Variants in MAST2 observed in about 807,000 individuals in gnomAD.
The protein encoded by MAST2 is microtubule associated serine/threonine kinase 2.
In MAST2, 70 loss-of-function variants were observed where a neutral mutation model predicts 147.4. The observed-to-expected ratio is 0.47, with a 90% CI of 0.39 to 0.58. The LOEUF (loss-of-function observed/expected upper bound fraction) is 0.58, where lower values mean the gene tolerates loss of function less well. MAST2 is among the 20% of genes least tolerant of loss of function. The probability of loss-of-function intolerance (pLI) is 0.00; values close to 1 mark genes in which losing one functional copy is unlikely to be tolerated. For synonymous variants in MAST2, 869 were observed against 896.8 expected, an observed-to-expected ratio of 0.97 and a Z score of 0.55; for missense variants, 2,080 against 2,302.3, an observed-to-expected ratio of 0.90 and a Z score of 1.98.
chr1:45,999,831 T>C (rs1289184017), intron 6 of MAST2, among the ~76,000 whole-genome samples: 1 of 152,242 alleles, frequency 6.6e-6, no homozygotes, highest in African/African-American at 2.4e-5. Context: ...TTCCTGATAT[T>C]ATCTTATTTG....
At position 46,034,343 on chromosome 1, in the gene MAST2, G is replaced by C. The variant is rs184893208; in HGVS notation, c.3868+77G>C. ...TCCTAGGCCCTGTGTGCTTCTGACA[G>C]ATCCCACTCTGAGTCTCTCATTTAG... On this transcript the variant is annotated intron_variant, in intron 28 of 28. Transcript: ENST00000361297. 11 of 1,470,656 alleles carry C rather than the reference G, an allele frequency of 7.5e-6. No individual in the cohort carries two copies. In the African/African-American group the frequency reaches 9.9e-5, roughly 13 times the overall value. The allele number at this position is 1,470,656 out of a possible 1,614,324, so 91.1% of individuals were successfully genotyped here.
intron 5 of MAST2, among the ~76,000 whole-genome samples, chr1:45,996,135 A>T (rs552050926): frequency 1.3e-5 from 2 of 150,888 alleles, no homozygotes; most frequent in African/African-American, 4.9e-5. Context: ...CGTGTGTGTT[A>T]TGTAACCCTA....
At chr1:45,915,572 TG>T (rs1652366899) in intron 4 of MAST2, among the ~76,000 whole-genome samples, 1 of 151,916 alleles carries the variant, frequency 6.6e-6, no homozygotes, top group Non-Finnish European at 1.5e-5. Flanking sequence ...TAGCCGGACG[TG>T]GTGGCGGGCG....
At chr1:45,842,742 T>C (rs1488011325) in intron 3 of MAST2, among the ~76,000 whole-genome samples, 1 of 152,224 alleles carries the variant, frequency 6.6e-6, no homozygotes, top group Non-Finnish European at 1.5e-5. Context: ...TGAATAGTGC[T>C]GCTATGAACT....
chr1:45,824,134 A>C (rs1644720375), intron 1 of MAST2, among the ~76,000 whole-genome samples: 1 of 152,184 alleles, frequency 6.6e-6, no homozygotes, highest in Non-Finnish European at 1.5e-5. Flanking sequence ...GATAAACATA[A>C]ATAAACTTAA....
rs369480412 is a variant in MAST2, at chr1:46,034,837, C to T, written c.4168C>T (p.Arg1390Trp). 1.1e-5 allele frequency: 18 copies of T among 1,614,070 alleles called. No individual in the cohort carries two copies. Among genetic ancestry groups the T allele is most frequent in the African/African-American group, 5.3e-5 (4 of 74,934 alleles). The change falls in exon 29 of 29, where the codon CGG becomes TGG. Residue 1390 changes from arginine to tryptophan, a missense_variant. By Grantham distance (101) the Arg-to-Trp change is moderately radical. This residue lies in a region of MAST2 where 1,278 missense variants were observed against 1,304.2 expected (regional missense o/e 0.98). Transcript: ENST00000361297. ...ACCTCCCCTGGGCAGGCAACTCTCA[C>T]GGCCCAAGAGTGCGGAGCCACCCCG... The part of the protein sequence containing the change: ...LSPPLGRQLS[R>W]PKSAEPPRSP...
Position 46,022,980 on chromosome 1 carries a change from CCTGAG to C in MAST2, c.1485+12_1485+16del, listed in dbSNP as rs1478867277. The C allele has an allele frequency of 6.2e-7, 1 of 1,613,410 alleles. No individual in the cohort carries two copies. On this transcript the variant is annotated intron_variant, in intron 13 of 28. Coordinates refer to ENST00000361297, the MANE Select transcript of MAST2 (RefSeq NM_015112.3). ...CAGATGATTCTATTGAGGTAAAAAC[CCTGAG>C]CTCCTACCCCATTCCTGGAGCCTGG...
intron 25 of MAST2, 30 bp from the exon 26 acceptor site, chr1:46,032,566 A>AG: frequency 6.2e-7 from 1 of 1,611,008 alleles, no homozygotes; most frequent in Non-Finnish European, 8.5e-7. Flanking sequence ...TTCAGGCTCC[A>AG]GTCTGAGTAC....
intron 5 of MAST2, among the ~76,000 whole-genome samples, chr1:45,987,451 C>A (rs1043202689): frequency 1.3e-5 from 2 of 152,018 alleles, no homozygotes; most frequent in Admixed American, 1.3e-4. Context: ...GTAGCCAGGA[C>A]CACAGGCACA....
At chr1:45,847,629 A>G (rs571823045) in intron 3 of MAST2, 8 of 600,860 alleles carry the variant, frequency 1.3e-5, no homozygotes, top group South Asian at 1.1e-4. Flanking sequence ...TCGCGGCCAC[A>G]GAGGAGCTCT....
At chr1:46,012,048 A>G (rs1645735559) in intron 10 of MAST2, among the ~76,000 whole-genome samples, 1 of 152,230 alleles carries the variant, frequency 6.6e-6, no homozygotes, top group Non-Finnish European at 1.5e-5. Context: ...TGTGATTTCA[A>G]AAGAAATACT....
At position 45,828,378 on chromosome 1, in the gene MAST2, A is replaced by G. The variant is rs1297068763; in HGVS notation, c.326-1061A>G. On this transcript the variant is annotated intron_variant, in intron 2 of 28. Transcript: ENST00000361297. ...AAGCCAGGGGAAAGTGCAGGGCATAATATTGAAGTTGAGTGAGTGAATAAG... is the reference window on the plus strand; with the variant it reads ...AAGCCAGGGGAAAGTGCAGGGCATAGTATTGAAGTTGAGTGAGTGAATAAG... Among the ~76,000 whole-genome samples the G allele has an allele frequency of 3.3e-5, 5 of 152,352 alleles. No individual in the cohort carries two copies. The East Asian group carries it at 7.7e-4, about 23-fold the overall frequency.
chr1:45,839,986 A>T (rs533458358), intron 3 of MAST2, among the ~76,000 whole-genome samples: 2 of 152,352 alleles, frequency 1.3e-5, no homozygotes, highest in Admixed American at 6.5e-5. Flanking sequence ...TGGGTAATTG[A>T]ACAAATGTAA....
intron 3 of MAST2, 108 bp downstream of exon 3, chr1:45,829,689 C>T (rs1644893444): frequency 8.4e-7 from 1 of 1,194,632 alleles, no homozygotes; most frequent in Non-Finnish European, 1.2e-6. Context: ...AATTCAGTTT[C>T]CCAAAATGAA....
intron 4 of MAST2, among the ~76,000 whole-genome samples, chr1:45,902,410 T>A (rs1164639731): frequency 6.6e-6 from 1 of 152,180 alleles, no homozygotes; most frequent in Non-Finnish European, 1.5e-5. Flanking sequence ...GATTTTTACA[T>A]TCATGTTCAT....
intron 24 of MAST2, 47 bp from the exon 25 acceptor site, chr1:46,032,131 A>G (rs1557516594): frequency 1.4e-6 from 2 of 1,465,812 alleles, no homozygotes; most frequent in South Asian, 2.3e-5. Context: ...ACCAGGGGCC[A>G]GGCCAAAGCC....
rs546489185 is a variant in MAST2 at position 45,858,520 on chromosome 1, G to A, written c.469-23844G>A. Among the ~76,000 whole-genome samples the A allele has an allele frequency of 6.0e-5, 9 of 150,078 alleles. No homozygotes were observed. In the South Asian group the frequency reaches 1.3e-3, roughly 22 times the overall value. On this transcript the variant is annotated intron_variant, in intron 3 of 28. Transcript: ENST00000361297. Reference sequence around the variant, plus strand: ...TGTAGATTCTGGATATTAGCCCTTCGTCAGATGAGTAGATTGCAAAAATTT... The same window carrying A: ...TGTAGATTCTGGATATTAGCCCTTCATCAGATGAGTAGATTGCAAAAATTT...
chr1:45,962,465 A>G (rs1212103224), intron 5 of MAST2, among the ~76,000 whole-genome samples: 1 of 152,182 alleles, frequency 6.6e-6, no homozygotes, highest in African/African-American at 2.4e-5. Context: ...TCGCCATTCT[A>G]ACTGGTGCAA....
chr1:46,019,644 G>T lies in MAST2; in HGVS notation c.1237G>T (p.Val413Leu). Residue 413 changes from valine (V) to leucine (L), a missense_variant, in exon 11 of 29, where the codon GTG becomes TTG. Transcript: ENST00000361297. ...AGAAGTGGCTTTTGTGATGCAGCTG[G>T]TGAAAAAGCTGATGATTATCATTGC... ...SSEVAFVMQL[V>L]KKLMIIIARP... The T allele has an allele frequency of 1.2e-6, 2 of 1,614,190 alleles. No individual in the cohort carries two copies. Among genetic ancestry groups the T allele is most frequent in the Non-Finnish European group, 1.7e-6 (2 of 1,180,036 alleles).
Sources: allele counts gnomAD v4.1 joint callset (sites outside exome capture counted in the v4.1 genomes callset), GRCh38; gene constraint gnomAD v4.1.1; regional missense constraint gnomAD v4.1.1; transcripts MANE v1.5; gene names NCBI Gene and HGNC (gene_info 2026-07-23, HGNC 2026-07-21).